PLCXD3: variants seen among roughly 807,000 people sequenced by gnomAD.
The protein encoded by PLCXD3 is PI-PLC X domain-containing protein 3.
A neutral mutation model predicts 25.5 loss-of-function variants in PLCXD3; 19 were observed. The ratio of observed to expected loss-of-function variants is 0.75; its 90% confidence interval spans 0.52 to 1.09. The LOEUF is 1.09. PLCXD3 is among the 50% of genes least tolerant of loss of function. The probability of loss-of-function intolerance (pLI) is 0.00; values close to 1 mark genes in which losing one functional copy is unlikely to be tolerated. For missense variants in PLCXD3, 411 were observed against 388.1 expected, an observed-to-expected ratio of 1.06 and a Z score of -0.50; for synonymous variants, 174 against 137.6, an observed-to-expected ratio of 1.26 and a Z score of -1.85.
chr5:41,338,746 C>A lies in PLCXD3; in HGVS notation c.813-24976G>T, dbSNP rs1039684109. Among the ~76,000 whole-genome samples, 6 of 151,988 alleles carry A rather than the reference C, an allele frequency of 3.9e-5. No individual in the cohort carries two copies. The South Asian group carries it at 6.2e-4, about 16-fold the overall frequency. On this transcript the variant is annotated intron_variant, in intron 2 of 2. Coordinates refer to ENST00000377801, the MANE Select transcript of PLCXD3 (RefSeq NM_001005473.3). ...TGAAAATAATTGATATTCACATAAC[C>A]ACACCATCTGTATCTTCCCTTATTC...
At chr5:41,504,951 GAAC>G (rs1749024165) in intron 1 of PLCXD3, among the ~76,000 whole-genome samples, 1 of 152,182 alleles carries the variant, frequency 6.6e-6, no homozygotes, top group Non-Finnish European at 1.5e-5. Flanking sequence ...AAAGTGTAGA[GAAC>G]ACTATGTTTT....
In PLCXD3 at chr5:41,378,718, A is replaced by G. The variant is rs1745368154; in HGVS notation, c.812+3108T>C. On this transcript the variant is annotated intron_variant, in intron 2 of 2. Coordinates refer to ENST00000377801, the MANE Select transcript of PLCXD3 (RefSeq NM_001005473.3). Reference sequence around the variant, plus strand: ...CTAAAATATTCCTTAGGCATTTTACATGCTAAAGTACACTGTGAATCCTTT... The same window carrying G: ...CTAAAATATTCCTTAGGCATTTTACGTGCTAAAGTACACTGTGAATCCTTT... Among the ~76,000 whole-genome samples the G allele has an allele frequency of 2.0e-5, 3 of 152,114 alleles. No homozygotes were observed. In the South Asian group the frequency reaches 6.2e-4, roughly 31 times the overall value.
chr5:41,322,970 C>G (rs1449507807), intron 2 of PLCXD3, among the ~76,000 whole-genome samples: 1 of 26,348 alleles, frequency 3.8e-5, no homozygotes, highest in Non-Finnish European at 1.1e-4. Context: ...AAGACTCTGT[C>G]TAAAAAAAAA....
At chr5:41,455,822 A>AG (rs1580381976) in intron 1 of PLCXD3, among the ~76,000 whole-genome samples, 1 of 151,944 alleles carries the variant, frequency 6.6e-6, no homozygotes, top group East Asian at 1.9e-4. Flanking sequence ...AATAAGCCCA[A>AG]GAGGAAATTT....
At chr5:41,456,317 T>C (rs1320913039) in intron 1 of PLCXD3, among the ~76,000 whole-genome samples, 1 of 151,958 alleles carries the variant, frequency 6.6e-6, no homozygotes, top group East Asian at 1.9e-4. Context: ...GTAATCTTTG[T>C]ACAATCACTT....
intron 2 of PLCXD3, among the ~76,000 whole-genome samples, chr5:41,349,259 G>T (rs1414802966): frequency 6.6e-6 from 1 of 152,174 alleles, no homozygotes; most frequent in Non-Finnish European, 1.5e-5. Flanking sequence ...GCACTTATTA[G>T]AGGTTGTTAG....
intron 1 of PLCXD3, among the ~76,000 whole-genome samples, chr5:41,420,111 A>G (rs1316190522): frequency 6.6e-6 from 1 of 152,190 alleles, no homozygotes; most frequent in African/African-American, 2.4e-5. Context: ...GGTATAAATT[A>G]TAAATAAAGA....
chr5:41,462,763 C>A (rs1747920221), intron 1 of PLCXD3, among the ~76,000 whole-genome samples: 1 of 149,054 alleles, frequency 6.7e-6, no homozygotes, highest in South Asian at 2.1e-4. Flanking sequence ...CCAGCCTGGG[C>A]AAAAGAATGA....
intron 2 of PLCXD3, among the ~76,000 whole-genome samples, chr5:41,341,339 C>T (rs571225681): frequency 6.6e-6 from 1 of 152,254 alleles, no homozygotes; most frequent in East Asian, 1.9e-4. Context: ...TGTGACTCCA[C>T]CTAAATCACG....
intron 1 of PLCXD3, among the ~76,000 whole-genome samples, chr5:41,487,901 A>G (rs1748556088): frequency 6.6e-6 from 1 of 151,944 alleles, no homozygotes; most frequent in Admixed American, 6.6e-5. Flanking sequence ...GGTTTTATTT[A>G]TTTTATTTTA....
At chr5:41,386,782 C>T (rs1245462430) in intron 1 of PLCXD3, among the ~76,000 whole-genome samples, 4 of 151,936 alleles carry the variant, frequency 2.6e-5, no homozygotes, top group Non-Finnish European at 5.9e-5. Context: ...AGCATCTGAA[C>T]AATCAGCAGC....
At chr5:41,379,192 C>T (rs1745382198) in intron 2 of PLCXD3, among the ~76,000 whole-genome samples, 1 of 152,092 alleles carries the variant, frequency 6.6e-6, no homozygotes, top group Non-Finnish European at 1.5e-5. Flanking sequence ...GCTCCTGCTG[C>T]CTTTTCCCCA....
intron 1 of PLCXD3, among the ~76,000 whole-genome samples, chr5:41,492,207 T>G (rs1186853440): frequency 1.3e-5 from 2 of 152,202 alleles, no homozygotes; most frequent in Non-Finnish European, 2.9e-5. Context: ...TTAGTTTGGC[T>G]GGATATGAAA....
intron 1 of PLCXD3, among the ~76,000 whole-genome samples, chr5:41,404,584 G>T (rs932938841): frequency 2.6e-5 from 4 of 152,020 alleles, no homozygotes; most frequent in Non-Finnish European, 5.9e-5. Context: ...AATAAAAACT[G>T]CTTCATCCTT....
At chr5:41,316,005 C>G (rs969979985) in intron 2 of PLCXD3, among the ~76,000 whole-genome samples, 2 of 152,174 alleles carry the variant, frequency 1.3e-5, no homozygotes, top group African/African-American at 4.8e-5. Context: ...TTAGGCAACT[C>G]CATACTGAGA....
chr5:41,427,733 ACTGT>A (rs1431445006), intron 1 of PLCXD3, among the ~76,000 whole-genome samples: 16 of 152,038 alleles, frequency 1.1e-4, no homozygotes, highest in African/African-American at 3.9e-4. Context: ...GGGTGGTTGA[ACTGT>A]CGCTTCCAAA....
intron 1 of PLCXD3, among the ~76,000 whole-genome samples, chr5:41,468,009 C>CTTTTTTTTTTTTTTTTTTTTT (rs145732089): frequency 3.8e-5 from 2 of 52,404 alleles, no homozygotes; most frequent in African/African-American, 8.0e-5. Flanking sequence ...CAGCTTTATT[C>CTTTTTTTTTTTTTTTTTTTTT]TTTTTTTTTT....
intron 1 of PLCXD3, among the ~76,000 whole-genome samples, chr5:41,397,387 T>C (rs1746040296): frequency 6.6e-6 from 1 of 152,154 alleles, no homozygotes; most frequent in African/African-American, 2.4e-5. Context: ...GGCTTCCACA[T>C]GGTTTAGGGC....
intron 1 of PLCXD3, among the ~76,000 whole-genome samples, chr5:41,507,537 GA>G (rs1161017562): frequency 6.6e-6 from 1 of 152,242 alleles, no homozygotes; most frequent in Non-Finnish European, 1.5e-5. Context: ...AAACTGCAGA[GA>G]TTTGAGAAAT....
Sources: gnomAD v4.1 joint callset for allele counts (sites outside exome capture counted in the v4.1 genomes callset) on GRCh38, gnomAD v4.1.1 for gene constraint, MANE v1.5 for transcripts, NCBI Gene and HGNC (gene_info 2026-07-23, HGNC 2026-07-21) for gene names.